The following ARHGEF7 variants were observed in gnomAD, a reference collection of about 807,000 sequenced individuals.
The protein encoded by ARHGEF7 is Rho guanine nucleotide exchange factor 7, also known as PAK-interacting exchange factor beta.
A neutral mutation model predicts 109.8 loss-of-function variants in ARHGEF7; 33 were observed. The observed-to-expected ratio is 0.30, with a 90% CI of 0.23 to 0.40. The LOEUF is 0.40. ARHGEF7 is among the 10% of genes least tolerant of loss of function. ARHGEF7 has a pLI of 1.00. For missense variants in ARHGEF7, 938 were observed against 1,098.5 expected (o/e 0.85, Z 2.07); for synonymous variants, 458 against 424.6 (o/e 1.08, Z -0.97).
At chr13:111,257,205 C>A (rs2090535538) in intron 8 of ARHGEF7, among the ~76,000 whole-genome samples, 1 of 152,236 alleles carries the variant, frequency 6.6e-6, no homozygotes, top group African/African-American at 2.4e-5. Context: ...TATCTTCTTA[C>A]TAAAATCCTA....
intron 2 of ARHGEF7, among the ~76,000 whole-genome samples, chr13:111,198,757 T>C (rs1032287983): frequency 3.9e-5 from 6 of 152,284 alleles, no homozygotes; most frequent in East Asian, 1.9e-4. Context: ...GAAGGGGACC[T>C]GAGTGGGTTG....
intron 3 of ARHGEF7, among the ~76,000 whole-genome samples, chr13:111,207,983 G>A (rs2082085570): frequency 6.6e-6 from 1 of 152,206 alleles, no homozygotes; most frequent in African/African-American, 2.4e-5. Context: ...TGGAAGGAAT[G>A]CTTTGCTTTT....
intron 12 of ARHGEF7, 99 bp downstream of exon 12, chr13:111,275,777 A>C (rs1226127563): frequency 6.9e-7 from 1 of 1,439,186 alleles, no homozygotes; most frequent in East Asian, 2.3e-5. Context: ...AAAATGTCTA[A>C]TAGAAGCTCT....
chr13:111,126,642 A>G (rs1284426958), intron 1 of ARHGEF7, among the ~76,000 whole-genome samples: 1 of 152,246 alleles, frequency 6.6e-6, no homozygotes, highest in East Asian at 1.9e-4. Context: ...TCAATTGATG[A>G]CAAATGGAGA....
At chr13:111,267,367 C>T (rs188302798) in intron 8 of ARHGEF7, among the ~76,000 whole-genome samples, 181 bp from the exon 9 acceptor site, 7 of 152,008 alleles carry the variant, frequency 4.6e-5, no homozygotes, top group African/African-American at 1.2e-4. Context: ...GCTTTCTGGG[C>T]GCCCCTTCTC....
At position 111,115,407 on chromosome 13, in the gene ARHGEF7, T is replaced by TCGCCGG. The variant is rs1298900021; in HGVS notation, c.-112_-107dup. 1 of 726,776 alleles carries TCGCCGG rather than the reference T, an allele frequency of 1.4e-6. No individual in the cohort carries two copies. Among genetic ancestry groups the TCGCCGG allele is most frequent in the Non-Finnish European group, 1.7e-6 (1 of 598,144 alleles). The allele number at this position is 726,776 out of a possible 1,614,324, so 45.0% of individuals were successfully genotyped here. Reference sequence around the variant, plus strand: ...GACCTGCTGGGCCGCGCCGAGCCAATCGCCGGCGCCGGCCGCTCGATGGGC... The same window carrying TCGCCGG: ...GACCTGCTGGGCCGCGCCGAGCCAATCGCCGGCGCCGGCGCCGGCCGCTCGATGGGC... On this transcript the variant is annotated 5_prime_UTR_variant, in exon 1 of 22. Coordinates refer to ENST00000646102, the MANE Select transcript of ARHGEF7 (RefSeq NM_001354046.2).
chr13:111,209,136 C>G (rs1333333695), intron 3 of ARHGEF7: 3 of 152,166 alleles, frequency 2.0e-5, no homozygotes, highest in Admixed American at 1.3e-4. Flanking sequence ...AGGACATGGC[C>G]GGGCACGTGC....
intron 10 of ARHGEF7, among the ~76,000 whole-genome samples, chr13:111,274,194 A>G (rs1178325613): frequency 6.6e-6 from 1 of 152,230 alleles, no homozygotes; most frequent in African/African-American, 2.4e-5. Flanking sequence ...CTGAAACATG[A>G]GAACTGATTT....
At position 111,185,961 on chromosome 13, in the gene ARHGEF7, CGTGTGTGTGTGTGT is replaced by C. The variant is rs71127998; in HGVS notation, c.253-19297_253-19284del. 7.1e-4 allele frequency among the ~76,000 whole-genome samples: 97 copies of C among 135,870 alleles called. 2 individuals carry two copies. The highest frequency in any genetic ancestry group is 3.5e-3 in the East Asian group (16 of 4,532). 89.1% of individuals were successfully genotyped at this position (135,870 alleles called of 152,430 possible). A position where few individuals can be genotyped will look rare whatever the true frequency, so the allele number is the denominator to read the frequency against. On this transcript the variant is annotated intron_variant, in intron 2 of 21. Coordinates refer to ENST00000646102, the MANE Select transcript of ARHGEF7 (RefSeq NM_001354046.2). ...TTTGTCACACTGTCTTTTGGGAGCTCGTGTGTGTGTGTGTGTGTGTGTGTGTGTGTGTGTGTGTG... is the reference window on the plus strand; with the variant it reads ...TTTGTCACACTGTCTTTTGGGAGCTCGTGTGTGTGTGTGTGTGTGTGTGTG...
At chr13:111,209,780 G>A in intron 3 of ARHGEF7, 92 bp from the exon 4 acceptor site, 3 of 1,469,892 alleles carry the variant, frequency 2.0e-6, no homozygotes, top group Non-Finnish European at 1.8e-6. Flanking sequence ...GTGTCCCTCT[G>A]TGCTGCCCTA....
chr13:111,288,315 T>C, intron 17 of ARHGEF7, 39 bp from the exon 18 acceptor site: 10 of 1,504,866 alleles, frequency 6.6e-6, no homozygotes, highest in Non-Finnish European at 9.2e-6. Flanking sequence ...CCTAGAGGCC[T>C]TTCAGTTCGA....
At chr13:111,267,711 G>T (rs2091778480) in intron 9 of ARHGEF7, 41 bp downstream of exon 9, 11 of 1,609,196 alleles carry the variant, frequency 6.8e-6, no homozygotes, top group Non-Finnish European at 9.3e-6. Flanking sequence ...AGGGTGGATG[G>T]CTCTGTGTCC....
intron 2 of ARHGEF7, among the ~76,000 whole-genome samples, chr13:111,158,442 C>T (rs924537246): frequency 6.6e-6 from 1 of 152,160 alleles, no homozygotes; most frequent in African/African-American, 2.4e-5. Flanking sequence ...GGGATGGTAA[C>T]CCTAATATAT....
chr13:111,295,064 A>G (rs2093396809), intron 19 of ARHGEF7: 23 of 985,362 alleles, frequency 2.3e-5, no homozygotes, highest in South Asian at 4.7e-5. Flanking sequence ...AATTGGATGT[A>G]TATCTGAATG....
intron 19 of ARHGEF7, among the ~76,000 whole-genome samples, 181 bp from the exon 20 acceptor site, chr13:111,300,567 G>A (rs1020192872): frequency 6.6e-5 from 10 of 152,160 alleles, no homozygotes; most frequent in Admixed American, 3.9e-4. Context: ...GCCTGGGCTC[G>A]GTAGACAGAG....
chr13:111,278,333 TAC>T (rs1403083367), intron 13 of ARHGEF7, among the ~76,000 whole-genome samples: 1 of 152,134 alleles, frequency 6.6e-6, no homozygotes, highest in Non-Finnish European at 1.5e-5. Flanking sequence ...TCTGGGAAGT[TAC>T]AGAGGCTCAT....
In ARHGEF7 at chr13:111,278,868, T is replaced by C. The variant is rs534238533; in HGVS notation, c.1506+1195T>C. ...GTCACTTGTGGCAGGCTTGAGTCTC[T>C]GCCTGTGTGGCTGGTGCTTACACTG... On this transcript the variant is annotated intron_variant, in intron 13 of 21. Coordinates refer to ENST00000646102, the MANE Select transcript of ARHGEF7 (RefSeq NM_001354046.2). 2.0e-5 allele frequency among the ~76,000 whole-genome samples: 3 copies of C among 152,378 alleles called. No individual in the cohort carries two copies. The South Asian group carries it at 6.2e-4, about 32-fold the overall frequency.
intron 21 of ARHGEF7, among the ~76,000 whole-genome samples, chr13:111,302,084 A>G (rs1256285079): frequency 6.6e-6 from 1 of 152,188 alleles, no homozygotes; most frequent in Non-Finnish European, 1.5e-5. Flanking sequence ...TAAAATATCG[A>G]AAGTTCTGTC....
At chr13:111,194,965 ACTGC>A (rs1279770180) in intron 2 of ARHGEF7, among the ~76,000 whole-genome samples, 1 of 152,226 alleles carries the variant, frequency 6.6e-6, no homozygotes, top group Admixed American at 6.5e-5. Context: ...TAGAGGAATT[ACTGC>A]CTCATTGATG....
Sources: gnomAD v4.1 joint callset for allele counts (sites outside exome capture counted in the v4.1 genomes callset) on GRCh38, gnomAD v4.1.1 for gene constraint, MANE v1.5 for transcripts, NCBI Gene and HGNC (gene_info 2026-07-23, HGNC 2026-07-21) for gene names.